Variants in TECRL observed in about 807,000 individuals in gnomAD.
TECRL encodes trans-2,3-enoyl-CoA reductase like.
TECRL carries 63 observed loss-of-function variants against 52.8 expected under a neutral mutation model. That is an observed-to-expected ratio of 1.19 (90% CI 0.97 to 1.47). The LOEUF (loss-of-function observed/expected upper bound fraction) is 1.47. Ranked by LOEUF, TECRL falls within the 40% of genes most tolerant of loss-of-function variation. The probability of loss-of-function intolerance (pLI) is 0.00; values close to 1 mark genes in which losing one functional copy is unlikely to be tolerated. For synonymous variants in TECRL, 164 were observed against 141.9 expected, an observed-to-expected ratio of 1.16 and a Z score of -1.10; for missense variants, 482 against 429.6, an observed-to-expected ratio of 1.12 and a Z score of -1.08.
At chr4:64,351,897 A>G (rs1720419196) in intron 2 of TECRL, among the ~76,000 whole-genome samples, 1 of 152,192 alleles carries the variant, frequency 6.6e-6, no homozygotes, top group Non-Finnish European at 1.5e-5. Flanking sequence ...AATCCATTGA[A>G]TGCCTTAAAT....
chr4:64,360,326 GTAA>G (rs963282800), intron 2 of TECRL, among the ~76,000 whole-genome samples: 1 of 151,978 alleles, frequency 6.6e-6, no homozygotes, highest in African/African-American at 2.4e-5. Context: ...TTAAAGTTGA[GTAA>G]TAATTTCTTC....
At chr4:64,402,766 T>C (rs1354954429) in intron 1 of TECRL, among the ~76,000 whole-genome samples, 1 of 152,042 alleles carries the variant, frequency 6.6e-6, no homozygotes, top group Non-Finnish European at 1.5e-5. Context: ...ACATAAGAGA[T>C]GTATAAAGTT....
chr4:64,281,627 T>C, intron 9 of TECRL, 68 bp from the exon 10 acceptor site: 2 of 755,826 alleles, frequency 2.6e-6, no homozygotes, highest in Non-Finnish European at 4.3e-6. Flanking sequence ...GCTTATTATA[T>C]AATACTAAGT....
chr4:64,290,579 T>C (rs1274251168), intron 8 of TECRL, among the ~76,000 whole-genome samples: 1 of 152,180 alleles, frequency 6.6e-6, no homozygotes, highest in African/African-American at 2.4e-5. Flanking sequence ...CCTTTAATGT[T>C]ATTAATCTCA....
At chr4:64,364,627 A>C (rs1235022400) in intron 2 of TECRL, among the ~76,000 whole-genome samples, 2 of 151,960 alleles carry the variant, frequency 1.3e-5, no homozygotes, top group Non-Finnish European at 2.9e-5. Flanking sequence ...ACAAACACCT[A>C]TGTGCACAGA....
chr4:64,284,947 A>G (rs543381280), intron 9 of TECRL, among the ~76,000 whole-genome samples: 1 of 152,188 alleles, frequency 6.6e-6, no homozygotes, highest in Admixed American at 6.6e-5. Context: ...ACAAATGCAC[A>G]TGATAATGAT....
At chr4:64,408,969 T>C (rs1724911866) in intron 1 of TECRL, 149 bp downstream of exon 1, 10 of 651,358 alleles carry the variant, frequency 1.5e-5, no homozygotes, top group South Asian at 1.4e-4. Flanking sequence ...ATGCATAAAG[T>C]ATGCATCCTG....
chr4:64,370,785 C>T (rs1721921700), intron 2 of TECRL, among the ~76,000 whole-genome samples: 1 of 151,608 alleles, frequency 6.6e-6, no homozygotes, highest in Admixed American at 6.6e-5. Context: ...AAGTAAGGAT[C>T]CATGATATTT....
Position 64,281,543 on chromosome 4 carries a change from G to A in TECRL, c.849C>T (p.Phe283=). The A allele has an allele frequency of 1.2e-6, 2 of 1,600,888 alleles. No individual in the cohort carries two copies. The highest frequency in any genetic ancestry group is 2.2e-5 in the South Asian group (2 of 89,704). ...HPNHTGNNAC[F]PSPNYNPFTW... Reference sequence around the variant, plus strand: ...TGAAGGGGTTATAATTTGGACTTGGGAAACAGGCATTGTTTCCTTTTTCAA... The same window carrying A: ...TGAAGGGGTTATAATTTGGACTTGGAAAACAGGCATTGTTTCCTTTTTCAA... Residue 283 remains phenylalanine, a synonymous_variant, in exon 10 of 12, where the codon TTC becomes TTT. Transcript: ENST00000381210.
intron 6 of TECRL, among the ~76,000 whole-genome samples, chr4:64,309,061 G>T (rs1382424148): frequency 1.3e-5 from 2 of 152,118 alleles, no homozygotes; most frequent in African/African-American, 4.8e-5. Flanking sequence ...CTATAATGGT[G>T]ATCTTGAACT....
intron 2 of TECRL, among the ~76,000 whole-genome samples, chr4:64,373,747 G>T (rs1433681248): frequency 6.6e-6 from 1 of 151,046 alleles, no homozygotes; most frequent in African/African-American, 2.4e-5. Flanking sequence ...ACTTACTACT[G>T]TAATCTAAAC....
chr4:64,355,680 T>C (rs1478358521), intron 2 of TECRL, among the ~76,000 whole-genome samples: 5 of 151,108 alleles, frequency 3.3e-5, no homozygotes, highest in Admixed American at 2.6e-4. Flanking sequence ...CAGGCACCTG[T>C]AGTCCCAGCT....
At chr4:64,360,528 C>T (rs1721102383) in intron 2 of TECRL, among the ~76,000 whole-genome samples, 1 of 151,962 alleles carries the variant, frequency 6.6e-6, no homozygotes, top group Admixed American at 6.6e-5. Context: ...TGGGGAACAG[C>T]CAAGATGGCT....
At chr4:64,309,597 T>A (rs1217984242) in intron 6 of TECRL, among the ~76,000 whole-genome samples, 1 of 152,148 alleles carries the variant, frequency 6.6e-6, no homozygotes, top group African/African-American at 2.4e-5. Flanking sequence ...CCTAGGAGTA[T>A]CTAGCTTGTC....
At chr4:64,393,892 G>T (rs1025594019) in intron 1 of TECRL, among the ~76,000 whole-genome samples, 3 of 151,906 alleles carry the variant, frequency 2.0e-5, no homozygotes, top group African/African-American at 7.2e-5. Flanking sequence ...GAGCTAGCTA[G>T]CTAGATAAAA....
chr4:64,378,624 A>G (rs1398851787), intron 1 of TECRL, among the ~76,000 whole-genome samples: 1 of 152,130 alleles, frequency 6.6e-6, no homozygotes, highest in Non-Finnish European at 1.5e-5. Flanking sequence ...TAACCTTCAG[A>G]TTGCTCAGAT....
rs544391924 is a variant in TECRL at position 64,330,509 on chromosome 4, C to T, written c.287-1953G>A. Among the ~76,000 whole-genome samples the T allele has an allele frequency of 3.9e-5, 6 of 152,106 alleles. 1 individual carries two copies. The South Asian group carries it at 8.3e-4, about 21-fold the overall frequency. ...AAAAAAGATGTTAATTAATGTTAAA[C>T]TTTAATTAATCAGCTGAGCGTGGTG... On this transcript the variant is annotated intron_variant, in intron 2 of 11. Transcript: ENST00000381210.
At chr4:64,354,880 A>G (rs903717260) in intron 2 of TECRL, among the ~76,000 whole-genome samples, 1 of 152,208 alleles carries the variant, frequency 6.6e-6, no homozygotes, top group Non-Finnish European at 1.5e-5. Context: ...CAGAGTTTCA[A>G]ATAATAAAAT....
Position 64,277,866 on chromosome 4 carries a change from A to G in TECRL, c.*2206T>C, listed in dbSNP as rs1044705682. The G allele has an allele frequency of 1.3e-5, 2 of 151,728 alleles. No individual in the cohort carries two copies. The allele number at this position is 151,728 out of a possible 1,614,324, so 9.4% of individuals were successfully genotyped here. A position where few individuals can be genotyped will look rare whatever the true frequency, so the allele number is the denominator to read the frequency against. On this transcript the variant is annotated 3_prime_UTR_variant, in exon 12 of 12. Transcript: ENST00000381210. ...TATATAGGTCATCTCTTTGTGAAGTATATATGCATGCTCACATAGAAACTC... is the reference window on the plus strand; with the variant it reads ...TATATAGGTCATCTCTTTGTGAAGTGTATATGCATGCTCACATAGAAACTC...
Sources: gnomAD v4.1 joint callset for allele counts (sites outside exome capture counted in the v4.1 genomes callset) on GRCh38, gnomAD v4.1.1 for gene constraint, MANE v1.5 for transcripts, NCBI Gene and HGNC (gene_info 2026-07-23, HGNC 2026-07-21) for gene names.